The following ZNF579 variants were observed in gnomAD, a reference collection of about 807,000 sequenced individuals.
ZNF579 encodes zinc finger protein 579.
Under a neutral mutation model 5.7 loss-of-function variants are expected in ZNF579, and 3 were observed. The observed-to-expected ratio is 0.53, with a 90% CI of 0.24 to 1.36. The LOEUF is 1.36. ZNF579 is among the 40% of genes most tolerant of loss of function. ZNF579 has a pLI of 0.16. For missense variants in ZNF579, 679 were observed against 877.6 expected, an observed-to-expected ratio of 0.77 and a Z score of 2.86; for synonymous variants, 454 against 409.0, an observed-to-expected ratio of 1.11 and a Z score of -1.33.
In ZNF579 at chr19:55,579,689, A is replaced by G. The variant is rs926048524; in HGVS notation, c.-2-48T>C. The G allele has an allele frequency of 2.9e-6, 4 of 1,382,810 alleles. No individual in the cohort carries two copies. In the African/African-American group the frequency reaches 6.1e-5, roughly 21 times the overall value. The allele number at this position is 1,382,810 out of a possible 1,614,324, so 85.7% of individuals were successfully genotyped here. Reference sequence around the variant, plus strand: ...TGGGAAGCGGGGCAGAGATAAAAAGAGGTGCGTGGGGTGTGGCAGAAAGAG... The same window carrying G: ...TGGGAAGCGGGGCAGAGATAAAAAGGGGTGCGTGGGGTGTGGCAGAAAGAG... On this transcript the variant is annotated intron_variant, in intron 1 of 1. Transcript: ENST00000325421.
In ZNF579 at chr19:55,578,401, C is replaced by T; in HGVS notation, c.1239G>A (p.Gln413=). 1.4e-6 allele frequency: 2 copies of T among 1,477,888 alleles called. No individual in the cohort carries two copies. The highest frequency in any genetic ancestry group is 2.6e-5 in the South Asian group (2 of 78,274). 91.5% of individuals were successfully genotyped at this position (1,477,888 alleles called of 1,614,324 possible). Residue 413 remains glutamine (Q), a synonymous_variant, in exon 2 of 2, where the codon CAG becomes CAA. Coordinates refer to ENST00000325421, the MANE Select transcript of ZNF579 (RefSeq NM_152600.3). ...TGAACTCCCGCTGGCAGCGCACGCA[C>T]TGGAAGGGGCGCGCTCCCGAGTGGG... The part of the protein sequence containing the change: ...GVTHSGARPF[Q]CVRCQREFKR...
At position 55,579,186 on chromosome 19, in the gene ZNF579, C is replaced by G. The variant is rs1002330322; in HGVS notation, c.454G>C (p.Glu152Gln). 2.0e-6 allele frequency: 3 copies of G among 1,525,098 alleles called. No individual in the cohort carries two copies. The African/African-American group carries it at 4.2e-5, about 21-fold the overall frequency. The allele number at this position is 1,525,098 out of a possible 1,614,324, so 94.5% of individuals were successfully genotyped here. Residue 152 changes from glutamate (E) to glutamine (Q), a missense_variant, in exon 2 of 2, where the codon GAG becomes CAG. Physicochemically the swap from Glu to Gln is conservative, Grantham distance 29. Transcript: ENST00000325421. The stretch of plus-strand genomic sequence containing the variant: ...CCTGCTGCAGCGGTGGTGGGCGGCT[C>G]CGAGCCCTCGTCCTGCGGGCCCCAG... ...PSWGPQDEGSEPPTTAAAGAT... is the reference protein window; with the variant it reads ...PSWGPQDEGSQPPTTAAAGAT...
rs1187938945 is a variant in ZNF579, at chr19:55,577,638, G to A, written c.*313C>T. The A allele has an allele frequency of 9.1e-6, 4 of 440,464 alleles. No individual in the cohort carries two copies. Among genetic ancestry groups the A allele is most frequent in the Non-Finnish European group, 1.7e-5 (4 of 242,056 alleles). 27.3% of individuals were successfully genotyped at this position (440,464 alleles called of 1,614,324 possible). A position where few individuals can be genotyped will look rare whatever the true frequency, so the allele number is the denominator to read the frequency against. On this transcript the variant is annotated 3_prime_UTR_variant, in exon 2 of 2. Coordinates refer to ENST00000325421, the MANE Select transcript of ZNF579 (RefSeq NM_152600.3). The stretch of plus-strand genomic sequence containing the variant: ...TTCCAAAGAGGTGATGGTGTCCAGT[G>A]TGTGAAACGGGGGACAGGGAGGCGG...
chr19:55,579,853 A>G (rs970276520), intron 1 of ZNF579: 7 of 456,826 alleles, frequency 1.5e-5, no homozygotes, highest in African/African-American at 1.4e-4. Context: ...TCAGAGACAG[A>G]GCGACAGAGC....
chr19:55,579,446 C>A lies in ZNF579; in HGVS notation c.194G>T (p.Ser65Ile). 1 of 1,339,244 alleles carries A rather than the reference C, an allele frequency of 7.5e-7. No individual in the cohort carries two copies. Among genetic ancestry groups the A allele is most frequent in the Non-Finnish European group, 9.6e-7 (1 of 1,043,046 alleles). The allele number at this position is 1,339,244 out of a possible 1,614,324, so 83.0% of individuals were successfully genotyped here. Reference sequence around the variant, plus strand: ...GGCGTGGGGCCGGAGCCCCGAGTGGCTCAGCCGGTGCCGGGAGAGGTAGTA... The same window carrying A: ...GGCGTGGGGCCGGAGCCCCGAGTGGATCAGCCGGTGCCGGGAGAGGTAGTA... The part of the protein sequence containing the change: ...FPYYLSRHRL[S>I]HSGLRPHACP... The change falls in exon 2 of 2, where the codon AGC (serine) becomes ATC (isoleucine). Residue 65 changes from serine (S) to isoleucine (I), a missense_variant. Around this residue, in one of 6 missense-constraint regions of ZNF579, gnomAD observed 134 missense variants for 208.9 expected, o/e 0.64. Transcript: ENST00000325421.
In ZNF579 at chr19:55,579,342, G is replaced by A; in HGVS notation, c.298C>T (p.Leu100=). ...HLRGHGPQPP[L]RCAACPRTFP... ...GTGCGGGGGCAGGCGGCGCAGCGCA[G>A]CGGGGGCTGGGGCCCGTGGCCGCGC... Residue 100 remains leucine, a synonymous_variant, in exon 2 of 2, where the codon CTG becomes TTG. Coordinates refer to ENST00000325421, the MANE Select transcript of ZNF579 (RefSeq NM_152600.3). The A allele has an allele frequency of 1.4e-6, 2 of 1,388,656 alleles. No homozygotes were observed. Among genetic ancestry groups the A allele is most frequent in the Non-Finnish European group, 1.9e-6 (2 of 1,074,572 alleles). 86.0% of individuals were successfully genotyped at this position (1,388,656 alleles called of 1,614,324 possible).
At position 55,577,821 on chromosome 19, in the gene ZNF579, C is replaced by G. The variant is rs1192424745; in HGVS notation, c.*130G>C. On this transcript the variant is annotated 3_prime_UTR_variant, in exon 2 of 2. Transcript: ENST00000325421. ...GGGAGGAAGGGGCAGTCCAGGGCCC[C>G]CCACTCCTTAGTGTCAAGGGCGTGA... 1.4e-6 allele frequency: 2 copies of G among 1,467,378 alleles called. No individual in the cohort carries two copies. Among genetic ancestry groups the G allele is most frequent in the East Asian group, 4.9e-5 (2 of 40,536 alleles). 90.9% of individuals were successfully genotyped at this position (1,467,378 alleles called of 1,614,324 possible).
At position 55,577,818 on chromosome 19, in the gene ZNF579, C is replaced by T. The variant is rs2123522517; in HGVS notation, c.*133G>A. 2.1e-6 allele frequency: 3 copies of T among 1,459,628 alleles called. No individual in the cohort carries two copies. The highest frequency in any genetic ancestry group is 2.5e-5 in the East Asian group (1 of 40,450). The allele number at this position is 1,459,628 out of a possible 1,614,324, so 90.4% of individuals were successfully genotyped here. A position where few individuals can be genotyped will look rare whatever the true frequency, so the allele number is the denominator to read the frequency against. On this transcript the variant is annotated 3_prime_UTR_variant, in exon 2 of 2. Coordinates refer to ENST00000325421, the MANE Select transcript of ZNF579 (RefSeq NM_152600.3). ...TGGGGGAGGAAGGGGCAGTCCAGGG[C>T]CCCCCACTCCTTAGTGTCAAGGGCG... is the stretch of plus-strand genomic sequence containing the variant.
At position 55,579,699 on chromosome 19, in the gene ZNF579, G is replaced by A. The variant is rs944523362; in HGVS notation, c.-2-58C>T. The stretch of plus-strand genomic sequence containing the variant: ...GGCAGAGATAAAAAGAGGTGCGTGG[G>A]GTGTGGCAGAAAGAGAAGCAGAGAC... On this transcript the variant is annotated intron_variant, in intron 1 of 1. Transcript: ENST00000325421. 29 of 1,353,558 alleles carry A rather than the reference G, an allele frequency of 2.1e-5. 1 individual carries two copies. The African/African-American group carries it at 4.5e-4, about 21-fold the overall frequency. 83.8% of individuals were successfully genotyped at this position (1,353,558 alleles called of 1,614,324 possible).
In ZNF579 at chr19:55,578,115, C is replaced by G; in HGVS notation, c.1525G>C (p.Glu509Gln). The G allele has an allele frequency of 6.4e-7, 1 of 1,556,950 alleles. No individual in the cohort carries two copies. Among genetic ancestry groups the G allele is most frequent in the Non-Finnish European group, 8.7e-7 (1 of 1,150,276 alleles). Residue 509 changes from glutamate (E) to glutamine (Q), a missense_variant, in exon 2 of 2, where the codon GAA becomes CAA. Coordinates refer to ENST00000325421, the MANE Select transcript of ZNF579 (RefSeq NM_152600.3). Reference protein sequence around the residue: ...GLPLPLANIKEEPPSPGTPPQ... With the variant: ...GLPLPLANIKQEPPSPGTPPQ... ...GGGGTCCCCGGAGAGGGCGGCTCTT[C>G]CTTAATGTTTGCGAGGGGCAGCGGG...
Position 55,579,451 on chromosome 19 carries a change from C to T in ZNF579, c.189G>A (p.Arg63=). Reference sequence around the variant, plus strand: ...GGGGCCGGAGCCCCGAGTGGCTCAGCCGGTGCCGGGAGAGGTAGTAGGGGA... The same window carrying T: ...GGGGCCGGAGCCCCGAGTGGCTCAGTCGGTGCCGGGAGAGGTAGTAGGGGA... ...FRFPYYLSRH[R]LSHSGLRPHA... Residue 63 remains arginine, a synonymous_variant, in exon 2 of 2, where the codon CGG becomes CGA. Coordinates refer to ENST00000325421, the MANE Select transcript of ZNF579 (RefSeq NM_152600.3). The T allele has an allele frequency of 7.5e-7, 1 of 1,339,896 alleles. No homozygotes were observed. The highest frequency in any genetic ancestry group is 9.6e-7 in the Non-Finnish European group (1 of 1,043,470). 83.0% of individuals were successfully genotyped at this position (1,339,896 alleles called of 1,614,324 possible). A position where few individuals can be genotyped will look rare whatever the true frequency, so the allele number is the denominator to read the frequency against.
At position 55,579,574 on chromosome 19, in the gene ZNF579, ACGGCCC is replaced by A; in HGVS notation, c.60_65del (p.Arg34_Gly35del). ...CACGGCCCCGACCACGGCCTCGGCC[ACGGCCC>A]CGGCCTCGGCCACGGTGAGGTGGGC... is the stretch of plus-strand genomic sequence containing the variant. On this transcript the variant is annotated inframe_deletion, in exon 2 of 2. Coordinates refer to ENST00000325421, the MANE Select transcript of ZNF579 (RefSeq NM_152600.3). The A allele has an allele frequency of 6.7e-7, 1 of 1,490,792 alleles. No individual in the cohort carries two copies. The highest frequency in any genetic ancestry group is 8.9e-7 in the Non-Finnish European group (1 of 1,126,380). The allele number at this position is 1,490,792 out of a possible 1,614,324, so 92.3% of individuals were successfully genotyped here. A position where few individuals can be genotyped will look rare whatever the true frequency, so the allele number is the denominator to read the frequency against.
Position 55,577,932 on chromosome 19 carries a change from G to GAGGGCAGGGCGGCGA in ZNF579, c.*4_*18dup, listed in dbSNP as rs781427167. ...ACCGGGGAGCTCAGGCGGAGCGGCG[G>GAGGGCAGGGCGGCGA]AGGGCAGGGCGGCGAAGGTCAGGAG... On this transcript the variant is annotated 3_prime_UTR_variant, in exon 2 of 2. Coordinates refer to ENST00000325421, the MANE Select transcript of ZNF579 (RefSeq NM_152600.3). The GAGGGCAGGGCGGCGA allele has an allele frequency of 1.9e-6, 3 of 1,571,028 alleles. No individual in the cohort carries two copies. The highest frequency in any genetic ancestry group is 2.6e-6 in the Non-Finnish European group (3 of 1,158,872).
rs60933383 is a variant in ZNF579 at position 55,580,465 on chromosome 19, T to C, written c.-3+330A>G. On this transcript the variant is annotated intron_variant, in intron 1 of 1. Coordinates refer to ENST00000325421, the MANE Select transcript of ZNF579 (RefSeq NM_152600.3). ...ATGACGGATTGGGGAATCTGGACTC[T>C]GGTATGGAGGAGGTGTGGATTCCTG... 8.4e-3 allele frequency among the ~76,000 whole-genome samples: 1,078 copies of C among 128,088 alleles called. 19 individuals are homozygous for C. Among genetic ancestry groups the C allele is most frequent in the African/African-American group, 0.03 (1,024 of 34,024 alleles). 84.0% of individuals were successfully genotyped at this position (128,088 alleles called of 152,430 possible).
chr19:55,579,460 G>T lies in ZNF579; in HGVS notation c.180C>A (p.Ser60=). Reference sequence around the variant, plus strand: ...GCCCCGAGTGGCTCAGCCGGTGCCGGGAGAGGTAGTAGGGGAAACGGAAGA... The same window carrying T: ...GCCCCGAGTGGCTCAGCCGGTGCCGTGAGAGGTAGTAGGGGAAACGGAAGA... The part of the protein sequence containing the change: ...GRLFRFPYYL[S]RHRLSHSGLR... The change falls in exon 2 of 2, where the codon TCC becomes TCA. Residue 60 remains serine, a synonymous_variant. Transcript: ENST00000325421. 2.2e-6 allele frequency: 3 copies of T among 1,345,922 alleles called. No homozygotes were observed. Among genetic ancestry groups the T allele is most frequent in the Non-Finnish European group, 2.9e-6 (3 of 1,047,100 alleles). 83.4% of individuals were successfully genotyped at this position (1,345,922 alleles called of 1,614,324 possible). A position where few individuals can be genotyped will look rare whatever the true frequency, so the allele number is the denominator to read the frequency against.
In ZNF579 at chr19:55,579,496, G is replaced by T; in HGVS notation, c.144C>A (p.Thr48=). 1 of 1,363,526 alleles carries T rather than the reference G, an allele frequency of 7.3e-7. No homozygotes were observed. 84.5% of individuals were successfully genotyped at this position (1,363,526 alleles called of 1,614,324 possible). The change falls in exon 2 of 2, where the codon ACC becomes ACA. Residue 48 remains threonine, a synonymous_variant. Transcript: ENST00000325421. ...GAPRAPLPCP[T]CGRLFRFPYY... ...AGGGGAAACGGAAGAGGCGGCCGCA[G>T]GTGGGGCAGGGCAGGGGCGCCCTAG...
rs1979489521 is a variant in ZNF579, at chr19:55,578,596, C to A, written c.1044G>T (p.Gly348=). ...KASGARNSAK[G]PEGGEGAECG... ...ACTCCGCCCCCTCGCCCCCCTCCGG[C>A]CCCTTGGCTGAGTTCCGTGCACCCG... is the stretch of plus-strand genomic sequence containing the variant. The change falls in exon 2 of 2, where the codon GGG becomes GGT. Residue 348 remains glycine, a synonymous_variant. Coordinates refer to ENST00000325421, the MANE Select transcript of ZNF579 (RefSeq NM_152600.3). 2.0e-6 allele frequency: 3 copies of A among 1,510,154 alleles called. No homozygotes were observed. The highest frequency in any genetic ancestry group is 2.1e-5 in the Admixed American group (1 of 46,836). The allele number at this position is 1,510,154 out of a possible 1,614,324, so 93.5% of individuals were successfully genotyped here. A position where few individuals can be genotyped will look rare whatever the true frequency, so the allele number is the denominator to read the frequency against.
chr19:55,578,326 T>G lies in ZNF579; in HGVS notation c.1314A>C (p.Pro438=). Residue 438 remains proline (P), a synonymous_variant, in exon 2 of 2, where the codon CCA becomes CCC. Transcript: ENST00000325421. ...ARHAQVHAGG[P]APHPCPRCPR... is the part of the protein sequence containing the mutation. Reference sequence around the variant, plus strand: ...GGCAGCGGGGGCACGGGTGCGGGGCTGGGCCCCCCGCGTGCACCTGTGCGT... The same window carrying G: ...GGCAGCGGGGGCACGGGTGCGGGGCGGGGCCCCCCGCGTGCACCTGTGCGT... 1 of 1,354,590 alleles carries G rather than the reference T, an allele frequency of 7.4e-7. No homozygotes were observed. The highest frequency in any genetic ancestry group is 9.4e-7 in the Non-Finnish European group (1 of 1,060,832). The allele number at this position is 1,354,590 out of a possible 1,614,324, so 83.9% of individuals were successfully genotyped here. A position where few individuals can be genotyped will look rare whatever the true frequency, so the allele number is the denominator to read the frequency against.
chr19:55,577,780 T>C lies in ZNF579; in HGVS notation c.*171A>G, dbSNP rs1191053066. 2.4e-6 allele frequency: 3 copies of C among 1,261,866 alleles called. No homozygotes were observed. The highest frequency in any genetic ancestry group is 3.2e-6 in the Non-Finnish European group (3 of 945,016). The allele number at this position is 1,261,866 out of a possible 1,614,324, so 78.2% of individuals were successfully genotyped here. ...GGTTCCTAACCAGCATCAGGGGTTCTGGGGGCGGGCGATGGGGGAGGAAGG... is the reference window on the plus strand; with the variant it reads ...GGTTCCTAACCAGCATCAGGGGTTCCGGGGGCGGGCGATGGGGGAGGAAGG... On this transcript the variant is annotated 3_prime_UTR_variant, in exon 2 of 2. Transcript: ENST00000325421.
Sources: allele counts gnomAD v4.1 joint callset (sites outside exome capture counted in the v4.1 genomes callset), GRCh38; gene constraint gnomAD v4.1.1; regional missense constraint gnomAD v4.1.1; transcripts MANE v1.5; gene names NCBI Gene and HGNC (gene_info 2026-07-23, HGNC 2026-07-21).